Variants in EBF1 observed in about 807,000 individuals in gnomAD.
EBF1 encodes the protein EBF transcription factor 1, also known as transcription factor COE1.
A neutral mutation model predicts 68.4 loss-of-function variants in EBF1; 10 were observed. The observed-to-expected ratio is 0.15, with a 90% CI of 0.09 to 0.25. The LOEUF is 0.25. EBF1 is among the 10% of genes least tolerant of loss of function. EBF1 has a pLI of 1.00. For synonymous variants in EBF1, 298 were observed against 299.8 expected (o/e 0.99, Z 0.06); for missense variants, 509 against 794.4 (o/e 0.64, Z 4.32).
At chr5:158,962,364 G>A (rs1289400606) in intron 6 of EBF1, among the ~76,000 whole-genome samples, 1 of 152,054 alleles carries the variant, frequency 6.6e-6, no homozygotes, top group Non-Finnish European at 1.5e-5. Context: ...CAAGAGGCTG[G>A]GGACCGAGGC....
At chr5:158,792,492 T>C (rs1475593780) in intron 9 of EBF1, among the ~76,000 whole-genome samples, 1 of 151,794 alleles carries the variant, frequency 6.6e-6, no homozygotes, top group Non-Finnish European at 1.5e-5. Flanking sequence ...TCTGGCTCTT[T>C]AAAAAATTCT....
At chr5:158,961,091 T>G (rs954291198) in intron 6 of EBF1, among the ~76,000 whole-genome samples, 2 of 152,202 alleles carry the variant, frequency 1.3e-5, no homozygotes, top group African/African-American at 2.4e-5. Flanking sequence ...TCGAGCTCAG[T>G]ATTCAACCTC....
At position 158,950,688 on chromosome 5, in the gene EBF1, C is replaced by T. The variant is rs1026492562; in HGVS notation, c.555-110578G>A. Among the ~76,000 whole-genome samples the T allele has an allele frequency of 4.6e-5, 7 of 152,182 alleles. No individual in the cohort carries two copies. In the South Asian group the frequency reaches 8.3e-4, roughly 18 times the overall value. ...CATTTTACTCTGGAAAAGGAAAAGG[C>T]TATAAATGAGTGGCGGGAACCATCT... On this transcript the variant is annotated intron_variant, in intron 6 of 15. Coordinates refer to ENST00000313708, the MANE Select transcript of EBF1 (RefSeq NM_024007.5).
chr5:158,882,396 G>C (rs983876446), intron 6 of EBF1, among the ~76,000 whole-genome samples: 2 of 152,250 alleles, frequency 1.3e-5, no homozygotes, highest in African/African-American at 2.4e-5. Flanking sequence ...TCCTTAAAAT[G>C]AGTTGGCATC....
intron 10 of EBF1, among the ~76,000 whole-genome samples, chr5:158,741,699 T>G (rs538973505): frequency 2.0e-5 from 3 of 152,280 alleles, no homozygotes; most frequent in African/African-American, 7.2e-5. Flanking sequence ...AAATATCTCA[T>G]AGCATCCCAT....
At chr5:158,978,708 T>C (rs1263266073) in intron 6 of EBF1, among the ~76,000 whole-genome samples, 1 of 151,894 alleles carries the variant, frequency 6.6e-6, no homozygotes, top group Non-Finnish European at 1.5e-5. Flanking sequence ...AGCTGCTTAA[T>C]AGGCTTGATT....
chr5:158,947,265 G>A (rs545711024), intron 6 of EBF1, among the ~76,000 whole-genome samples: 6 of 152,224 alleles, frequency 3.9e-5, no homozygotes, highest in Admixed American at 1.3e-4. Context: ...CAGCTAGCTC[G>A]GTGTCTACCC....
intron 8 of EBF1, among the ~76,000 whole-genome samples, chr5:158,818,239 C>T (rs760647772): frequency 6.6e-6 from 1 of 152,154 alleles, no homozygotes; most frequent in South Asian, 2.1e-4. Context: ...GAGGTAGTCT[C>T]TCCAAGCTCA....
intron 6 of EBF1, among the ~76,000 whole-genome samples, chr5:158,960,836 G>T (rs921554443): frequency 1.3e-5 from 2 of 152,194 alleles, no homozygotes; most frequent in African/African-American, 4.8e-5. Flanking sequence ...CCCCGGAAAG[G>T]CCTTGTATCA....
intron 6 of EBF1, among the ~76,000 whole-genome samples, chr5:158,931,026 T>G (rs1257674160): frequency 2.0e-5 from 3 of 152,244 alleles, no homozygotes; most frequent in Non-Finnish European, 4.4e-5. Flanking sequence ...AGCAATGCTT[T>G]GCTGAACATC....
intron 6 of EBF1, among the ~76,000 whole-genome samples, chr5:159,045,765 G>T (rs761719993): frequency 3.3e-5 from 5 of 152,166 alleles, no homozygotes; most frequent in Non-Finnish European, 7.4e-5. Flanking sequence ...TATTGAAACT[G>T]CAGGAGCTTG....
intron 6 of EBF1, among the ~76,000 whole-genome samples, chr5:159,069,000 A>C (rs1199971251): frequency 6.6e-6 from 1 of 152,148 alleles, no homozygotes; most frequent in Non-Finnish European, 1.5e-5. Flanking sequence ...AGGCATGGTA[A>C]TTCTGTTAAT....
At chr5:158,954,456 A>G (rs1336016589) in intron 6 of EBF1, among the ~76,000 whole-genome samples, 1 of 152,270 alleles carries the variant, frequency 6.6e-6, no homozygotes, top group Non-Finnish European at 1.5e-5. Context: ...AAGTTGTGCC[A>G]TGAGAATAAA....
chr5:158,914,108 C>T (rs1273664138), intron 6 of EBF1, among the ~76,000 whole-genome samples: 1 of 152,112 alleles, frequency 6.6e-6, no homozygotes, highest in African/African-American at 2.4e-5. Context: ...TGGGACACAC[C>T]AGCTGTTTAA....
intron 6 of EBF1, among the ~76,000 whole-genome samples, chr5:158,978,576 T>A (rs1011289916): frequency 1.3e-5 from 2 of 152,038 alleles, no homozygotes; most frequent in African/African-American, 4.8e-5. Flanking sequence ...ATTTGAATAG[T>A]ATGAAATAAA....
At chr5:158,988,889 G>A (rs1759690692) in intron 6 of EBF1, among the ~76,000 whole-genome samples, 1 of 152,190 alleles carries the variant, frequency 6.6e-6, no homozygotes, top group African/African-American at 2.4e-5. Context: ...AACCTTCAAA[G>A]GGGCCTTCAC....
chr5:158,848,007 CAGA>C (rs2127989805), intron 6 of EBF1, among the ~76,000 whole-genome samples: 1 of 152,292 alleles, frequency 6.6e-6, no homozygotes, highest in East Asian at 1.9e-4. Context: ...AAAAATGAGG[CAGA>C]AGGAGCCTCA....
At chr5:158,805,956 C>T (rs1251406836) in intron 8 of EBF1, among the ~76,000 whole-genome samples, 1 of 151,810 alleles carries the variant, frequency 6.6e-6, no homozygotes, top group Non-Finnish European at 1.5e-5. Flanking sequence ...TTTAAGGAGG[C>T]ATGTTTTTTT....
At chr5:158,786,631 G>A (rs1356150126) in intron 9 of EBF1, among the ~76,000 whole-genome samples, 1 of 152,070 alleles carries the variant, frequency 6.6e-6, no homozygotes, top group East Asian at 1.9e-4. Context: ...CTTTCTCAAG[G>A]CTTGTTTTTC....
Sources: allele counts gnomAD v4.1 joint callset (sites outside exome capture counted in the v4.1 genomes callset), GRCh38; gene constraint gnomAD v4.1.1; transcripts MANE v1.5; gene names NCBI Gene and HGNC (gene_info 2026-07-23, HGNC 2026-07-21).